The following PCDH11X variants were observed in gnomAD, a reference collection of about 807,000 sequenced individuals.
The protein encoded by PCDH11X is protocadherin 11 X-linked, also known as protocadherin-11 X-linked.
Under a neutral mutation model 53.3 loss-of-function variants are expected in PCDH11X, and 18 were observed. The observed-to-expected ratio is 0.34, with a 90% CI of 0.23 to 0.50. The LOEUF (loss-of-function observed/expected upper bound fraction) is 0.50, where lower values mean the gene tolerates loss of function less well. PCDH11X is among the 20% of genes least tolerant of loss of function. The pLI is 0.98. For synonymous variants in PCDH11X, 279 were observed against 393.3 expected (o/e 0.71, Z 3.44); for missense variants, 570 against 1,032.4 (o/e 0.55, Z 6.14).
intron 8 of PCDH11X, among the ~76,000 whole-genome samples, chrX:92,330,039 T>C: frequency 9.0e-6 from 1 of 111,082 alleles, no homozygotes; most frequent in Non-Finnish European, 1.9e-5. Context: ...ATACCTCATT[T>C]ACTCTGATGT....
chrX:92,063,250 T>A lies in PCDH11X; in HGVS notation c.3034-138125T>A, dbSNP rs753776617. ...AGAAATACCTAATGTAGATGATGGGTTGATTGGTGCAGCAAACTACCATGG... is the reference window on the plus strand; with the variant it reads ...AGAAATACCTAATGTAGATGATGGGATGATTGGTGCAGCAAACTACCATGG... On this transcript the variant is annotated intron_variant, in intron 6 of 10. Transcript: ENST00000682573. Among the ~76,000 whole-genome samples, 39 of 109,593 alleles carry A rather than the reference T, an allele frequency of 3.6e-4. No individual in the cohort carries two copies. In the East Asian group the frequency reaches 4.7e-3, roughly 13 times the overall value.
intron 10 of PCDH11X, among the ~76,000 whole-genome samples, chrX:92,604,593 C>T (rs1260151274): frequency 5.4e-5 from 6 of 111,266 alleles, no homozygotes; most frequent in South Asian, 7.4e-4. Context: ...AGAAAAATGG[C>T]GGATATCAGT....
At chrX:92,286,471 G>A (rs1603255179) in intron 8 of PCDH11X, among the ~76,000 whole-genome samples, 1 of 100,456 alleles carries the variant, frequency 1.0e-5, no homozygotes, top group African/African-American at 3.8e-5. Context: ...AAAAAAAAAA[G>A]GAAAGGAAAA....
chrX:92,243,745 T>C (rs771405441), intron 7 of PCDH11X, among the ~76,000 whole-genome samples: 1 of 111,633 alleles, frequency 9.0e-6, no homozygotes, highest in African/African-American at 3.2e-5. Context: ...AATGGTATAC[T>C]TTAATTTTGG....
intron 6 of PCDH11X, among the ~76,000 whole-genome samples, chrX:91,882,262 T>A (rs1369149319): frequency 9.0e-6 from 1 of 110,726 alleles, no homozygotes; most frequent in African/African-American, 3.3e-5. Flanking sequence ...AAACATGAAA[T>A]TTGAGAGGAT....
chrX:92,241,846 C>T (rs1000520122), intron 7 of PCDH11X, among the ~76,000 whole-genome samples: 1 of 111,699 alleles, frequency 9.0e-6, no homozygotes, highest in Non-Finnish European at 1.9e-5. Context: ...GGTTTTCTTA[C>T]CTGTTGTCTA....
At chrX:92,208,391 G>A (rs1432392873) in intron 7 of PCDH11X, among the ~76,000 whole-genome samples, 1 of 99,514 alleles carries the variant, frequency 1.0e-5, no homozygotes, top group Non-Finnish European at 2.0e-5. Context: ...ATGCTAGTAA[G>A]TACCAAAGAC....
At chrX:91,787,301 A>ACAT (rs1478910913) in intron 1 of PCDH11X, among the ~76,000 whole-genome samples, 1 of 110,937 alleles carries the variant, frequency 9.0e-6, no homozygotes, top group Admixed American at 9.6e-5. Context: ...TCCTGACACG[A>ACAT]CATTTTGGAA....
At chrX:92,305,943 G>T (rs1000136327) in intron 8 of PCDH11X, among the ~76,000 whole-genome samples, 1 of 106,542 alleles carries the variant, frequency 9.4e-6, no homozygotes, top group Non-Finnish European at 1.9e-5. Flanking sequence ...CAGGTTTTGT[G>T]TTTTTTTAAA....
At chrX:91,949,928 T>G (rs1198040594) in intron 6 of PCDH11X, among the ~76,000 whole-genome samples, 1 of 106,958 alleles carries the variant, frequency 9.3e-6, no homozygotes, top group Non-Finnish European at 1.9e-5. Flanking sequence ...ATAACTGGAG[T>G]GATCAGGAGA....
chrX:92,105,195 G>C (rs2064350792), intron 6 of PCDH11X, among the ~76,000 whole-genome samples: 1 of 111,602 alleles, frequency 9.0e-6, no homozygotes. Context: ...GAAATTAAGA[G>C]AAGGGAGAGA....
intron 7 of PCDH11X, among the ~76,000 whole-genome samples, chrX:92,220,394 G>T (rs1429071446): frequency 9.2e-5 from 9 of 98,144 alleles, no homozygotes; most frequent in Non-Finnish European, 1.2e-4. Flanking sequence ...CAAAGGACAT[G>T]AACAGACACT....
At chrX:92,074,248 A>G (rs1170151628) in intron 6 of PCDH11X, among the ~76,000 whole-genome samples, 2 of 111,220 alleles carry the variant, frequency 1.8e-5, no homozygotes, top group Non-Finnish European at 3.8e-5. Flanking sequence ...ACATTTTTAG[A>G]CCAAACTGTC....
intron 10 of PCDH11X, among the ~76,000 whole-genome samples, chrX:92,515,046 CA>C (rs1262977280): frequency 2.6e-4 from 13 of 50,728 alleles, no homozygotes; most frequent in East Asian, 7.4e-4. Context: ...GATTCCACCT[CA>C]AAAAAAAAAA....
chrX:91,805,225 T>C (rs182938963), intron 1 of PCDH11X, among the ~76,000 whole-genome samples: 1 of 100,375 alleles, frequency 1.0e-5, no homozygotes. Context: ...TACAGAAATA[T>C]ACAAAAAACA....
intron 8 of PCDH11X, among the ~76,000 whole-genome samples, chrX:92,279,790 A>G (rs1472105065): frequency 8.9e-6 from 1 of 112,063 alleles, no homozygotes; most frequent in Non-Finnish European, 1.9e-5. Context: ...AAAGGTCCAA[A>G]ATATTGACAT....
chrX:92,067,743 C>A (rs370838144), intron 6 of PCDH11X, among the ~76,000 whole-genome samples: 1 of 111,478 alleles, frequency 9.0e-6, no homozygotes, highest in South Asian at 3.8e-4. Context: ...TTGGTACTAG[C>A]TCTTCTTTAA....
intron 6 of PCDH11X, among the ~76,000 whole-genome samples, chrX:92,065,766 G>T (rs1398502033): frequency 1.9e-5 from 2 of 107,794 alleles, no homozygotes; most frequent in African/African-American, 6.8e-5. Context: ...TGAATCTCTT[G>T]TCAGATGGAT....
chrX:92,006,752 G>A (rs947658197), intron 6 of PCDH11X, among the ~76,000 whole-genome samples: 1 of 110,499 alleles, frequency 9.0e-6, no homozygotes, highest in Non-Finnish European at 1.9e-5. Flanking sequence ...CTCTTCTTTG[G>A]AAGGCTTTCC....
Sources: allele counts gnomAD v4.1 joint callset (sites outside exome capture counted in the v4.1 genomes callset), GRCh38; gene constraint gnomAD v4.1.1; transcripts MANE v1.5; gene names NCBI Gene and HGNC (gene_info 2026-07-23, HGNC 2026-07-21).